THOC7: variants seen among roughly 807,000 people sequenced by gnomAD.
THOC7 encodes THO complex subunit 7, also known as NIF3L1-binding protein 1.
Under a neutral mutation model 33.1 loss-of-function variants are expected in THOC7, and 22 were observed. That is an observed-to-expected ratio of 0.66 (90% CI 0.47 to 0.95). The LOEUF is 0.95. THOC7 is among the 40% of genes least tolerant of loss of function. The pLI is 0.00. For missense variants in THOC7, 184 were observed against 245.3 expected, an observed-to-expected ratio of 0.75 and a Z score of 1.67; for synonymous variants, 77 against 76.8, an observed-to-expected ratio of 1.00 and a Z score of -0.01.
chr3:63,860,418 A>C, intron 1 of THOC7, among the ~76,000 whole-genome samples: 1 of 152,326 alleles, frequency 6.6e-6, no homozygotes, highest in South Asian at 2.1e-4. Context: ...GATGTGCTAC[A>C]AAACAGCTCT....
intron 1 of THOC7, among the ~76,000 whole-genome samples, chr3:63,841,390 T>C (rs1472771030): frequency 6.6e-6 from 1 of 152,212 alleles, no homozygotes; most frequent in African/African-American, 2.4e-5. Flanking sequence ...TTGTTTTTTA[T>C]AGTACGCAGT....
In THOC7 at chr3:63,838,382, G is replaced by T; in HGVS notation, c.255C>A (p.Tyr85Ter). Residue 85 changes from tyrosine to a stop codon, truncating the protein, a stop_gained, in exon 3 of 8, where the codon TAC becomes TAA. Transcript: ENST00000295899. LOFTEE classifies it high-confidence loss of function. The stretch of plus-strand genomic sequence containing the variant: ...ATTAAGATTCTTTACCTATTTCCTT[G>T]TAAATTTTTTCATAATTTTCCATTT... ...LREMENYEKI[Y>*]KEIECSIAGA... 6.6e-7 allele frequency: 1 copy of T among 1,524,070 alleles called. No individual in the cohort carries two copies. The highest frequency in any genetic ancestry group is 9.0e-7 in the Non-Finnish European group (1 of 1,108,950). The allele number at this position is 1,524,070 out of a possible 1,614,324, so 94.4% of individuals were successfully genotyped here. A position where few individuals can be genotyped will look rare whatever the true frequency, so the allele number is the denominator to read the frequency against.
chr3:63,851,476 C>T (rs566495401), intron 1 of THOC7, among the ~76,000 whole-genome samples: 2 of 152,288 alleles, frequency 1.3e-5, no homozygotes, highest in South Asian at 2.1e-4. Context: ...GTCACCCATG[C>T]TAAAGTTCCA....
rs546741642 is a variant in THOC7, at chr3:63,863,797, CGCG to C, written c.-10_-8del. On this transcript the variant is annotated 5_prime_UTR_variant, in exon 1 of 8. Coordinates refer to ENST00000295899, the MANE Select transcript of THOC7 (RefSeq NM_025075.4). ...CGTCAGTCACGGCTCCCATGGCGTG[CGCG>C]GCGGCGGCGGCGGCGGCGGCGGCGC... 0.011 allele frequency: 14,034 copies of C among 1,238,366 alleles called. 79 individuals are homozygous for C. The highest frequency in any genetic ancestry group is 0.013 in the Non-Finnish European group (12,953 of 997,776). 76.7% of individuals were successfully genotyped at this position (1,238,366 alleles called of 1,614,324 possible). A position where few individuals can be genotyped will look rare whatever the true frequency, so the allele number is the denominator to read the frequency against.
intron 1 of THOC7, among the ~76,000 whole-genome samples, chr3:63,843,696 C>G (rs1238793681): frequency 1.3e-5 from 2 of 151,972 alleles, no homozygotes; most frequent in Admixed American, 1.3e-4. Context: ...GTCAGGAGAT[C>G]GAGACCATCC....
At chr3:63,860,144 A>G (rs1000483033) in intron 1 of THOC7, among the ~76,000 whole-genome samples, 1 of 151,726 alleles carries the variant, frequency 6.6e-6, no homozygotes, top group Non-Finnish European at 1.5e-5. Flanking sequence ...GGCTAATTTA[A>G]GAAAATTTTT....
At chr3:63,845,664 G>C (rs1701876488) in intron 1 of THOC7, among the ~76,000 whole-genome samples, 1 of 152,092 alleles carries the variant, frequency 6.6e-6, no homozygotes, top group Non-Finnish European at 1.5e-5. Context: ...GACTGGGTCA[G>C]ACAAAAAAGA....
upstream of THOC7, chr3:63,863,908 G>A: frequency 1.9e-6 from 2 of 1,062,940 alleles, no homozygotes; most frequent in Non-Finnish European, 2.3e-6. Flanking sequence ...GGAGGCGGCG[G>A]CGCCCGCGGC....
intron 1 of THOC7, among the ~76,000 whole-genome samples, chr3:63,856,567 G>C (rs992326003): frequency 6.6e-6 from 1 of 152,054 alleles, no homozygotes; most frequent in Non-Finnish European, 1.5e-5. Context: ...CACAGAAGTT[G>C]AATACAGACC....
At chr3:63,844,422 T>C (rs1575808043) in intron 1 of THOC7, among the ~76,000 whole-genome samples, 1 of 152,324 alleles carries the variant, frequency 6.6e-6, no homozygotes, top group Admixed American at 6.5e-5. Context: ...TAGTTAACCA[T>C]TCCACAATGT....
At position 63,855,757 on chromosome 3, in the gene THOC7, T is replaced by G. The variant is rs146660200; in HGVS notation, c.19+8015A>C. Among the ~76,000 whole-genome samples, 201 of 152,340 alleles carry G rather than the reference T, an allele frequency of 1.3e-3. 1 individual carries two copies. Among genetic ancestry groups the G allele is most frequent in the Non-Finnish European group, 1.9e-3 (126 of 68,030 alleles). Reference sequence around the variant, plus strand: ...ATTGCAGGTCAAATGTGGTTCCCTTTGAGGGAAGGCTGCAATCTCACCTGC... The same window carrying G: ...ATTGCAGGTCAAATGTGGTTCCCTTGGAGGGAAGGCTGCAATCTCACCTGC... On this transcript the variant is annotated intron_variant, in intron 1 of 7. Transcript: ENST00000295899.
At chr3:63,838,888 T>C (rs1452930681) in intron 2 of THOC7, among the ~76,000 whole-genome samples, 1 of 152,200 alleles carries the variant, frequency 6.6e-6, no homozygotes, top group Non-Finnish European at 1.5e-5. Flanking sequence ...AAGTTTGCTA[T>C]GTTAAAAAAT....
At chr3:63,840,011 T>C (rs1701724991) in intron 1 of THOC7, among the ~76,000 whole-genome samples, 2 of 152,152 alleles carry the variant, frequency 1.3e-5, no homozygotes, top group Non-Finnish European at 1.5e-5. Flanking sequence ...AAGAAAGTTA[T>C]TGCATGACTA....
chr3:63,834,285 TATTAGCCAATACAATTAAAGCTAAG>T, intron 7 of THOC7, 86 bp from the exon 8 acceptor site: 1 of 1,295,990 alleles, frequency 7.7e-7, no homozygotes, highest in Non-Finnish European at 1.1e-6. Flanking sequence ...GTTTATCCTT[TATTAGCCAATACAATTAAAGCTAAG>T]ATGGCTACTA....
At chr3:63,845,372 T>C (rs548068634) in intron 1 of THOC7, among the ~76,000 whole-genome samples, 1 of 152,162 alleles carries the variant, frequency 6.6e-6, no homozygotes, top group Non-Finnish European at 1.5e-5. Flanking sequence ...TGATATCTCA[T>C]GCATGATGCC....
At chr3:63,861,101 C>T (rs1702202253) in intron 1 of THOC7, 1 of 152,138 alleles carries the variant, frequency 6.6e-6, no homozygotes, top group African/African-American at 2.4e-5. Flanking sequence ...ATGCAAAGCC[C>T]TTTACAACTT....
intron 5 of THOC7, 112 bp downstream of exon 5, chr3:63,836,188 CT>C: frequency 2.1e-6 from 2 of 933,336 alleles, no homozygotes; most frequent in Non-Finnish European, 3.2e-6. Flanking sequence ...TATTGAATAT[CT>C]GACCCCTCCT....
At chr3:63,841,730 T>C (rs1701765387) in intron 1 of THOC7, among the ~76,000 whole-genome samples, 1 of 152,226 alleles carries the variant, frequency 6.6e-6, no homozygotes, top group Admixed American at 6.5e-5. Context: ...AACATTATTA[T>C]CTGAAGAGAC....
At chr3:63,861,989 CTA>C (rs557915472) in intron 1 of THOC7, among the ~76,000 whole-genome samples, 88 of 152,192 alleles carry the variant, frequency 5.8e-4, no homozygotes, top group Non-Finnish European at 1.1e-3. Flanking sequence ...TGGGGTCTCA[CTA>C]TGTTTTCCAG....
Sources: gnomAD v4.1 joint callset for allele counts (sites outside exome capture counted in the v4.1 genomes callset) on GRCh38, gnomAD v4.1.1 for gene constraint, MANE v1.5 for transcripts, NCBI Gene and HGNC (gene_info 2026-07-23, HGNC 2026-07-21) for gene names.